Variants in TRAPPC9 observed in about 807,000 individuals in gnomAD.
TRAPPC9 encodes the protein trafficking protein particle complex subunit 9, also known as IKK2 binding protein.
A neutral mutation model predicts 124.0 loss-of-function variants in TRAPPC9; 83 were observed. The ratio of observed to expected loss-of-function variants is 0.67; its 90% CI spans 0.56 to 0.80. The LOEUF (loss-of-function observed/expected upper bound fraction) is 0.80, where lower values mean the gene tolerates loss of function less well. Among genes scored for constraint, TRAPPC9 ranks in the 30% least tolerant of loss-of-function variants. TRAPPC9 has a pLI of 0.00. For missense variants in TRAPPC9, 1,302 were observed against 1,508.3 expected (o/e 0.86, Z 2.27); for synonymous variants, 638 against 617.5 (o/e 1.03, Z -0.49).
intron 19 of TRAPPC9, among the ~76,000 whole-genome samples, chr8:139,969,470 G>A (rs1454485766): frequency 6.6e-6 from 1 of 152,230 alleles, no homozygotes; most frequent in Non-Finnish European, 1.5e-5. Context: ...GGGTCTCATG[G>A]CCTAGGTTCG....
chr8:140,140,317 T>C (rs1484263420), intron 17 of TRAPPC9, among the ~76,000 whole-genome samples: 1 of 152,226 alleles, frequency 6.6e-6, no homozygotes. Flanking sequence ...CTTGTTCAGA[T>C]AGGCTATTCA....
intron 17 of TRAPPC9, among the ~76,000 whole-genome samples, chr8:140,092,902 C>T (rs892175814): frequency 6.6e-6 from 1 of 152,210 alleles, no homozygotes; most frequent in African/African-American, 2.4e-5. Context: ...AGGGCTTACA[C>T]CCTCTAGGCT....
intron 17 of TRAPPC9, among the ~76,000 whole-genome samples, chr8:140,037,574 CACACACACACAT>C (rs1270817816): frequency 6.6e-6 from 1 of 151,356 alleles, no homozygotes; most frequent in Admixed American, 6.6e-5. Context: ...AAACACATAC[CACACACACACAT>C]ACACACACAC....
intron 21 of TRAPPC9, among the ~76,000 whole-genome samples, chr8:139,849,480 T>C (rs1346627873): frequency 2.6e-5 from 4 of 152,274 alleles, no homozygotes; most frequent in African/African-American, 7.2e-5. Flanking sequence ...ATTTTCATTA[T>C]GTACCTTATT....
At chr8:140,116,626 T>C (rs2060891895) in intron 17 of TRAPPC9, among the ~76,000 whole-genome samples, 1 of 152,182 alleles carries the variant, frequency 6.6e-6, no homozygotes, top group Non-Finnish European at 1.5e-5. Context: ...CTAAAATTGA[T>C]TCATGATGCT....
intron 17 of TRAPPC9, chr8:140,094,860 T>A (rs181467965): frequency 2.6e-5 from 4 of 152,364 alleles, no homozygotes; most frequent in Admixed American, 1.3e-4. Context: ...CCTACCCGAC[T>A]GGCTTTGTAT....
intron 17 of TRAPPC9, among the ~76,000 whole-genome samples, chr8:140,068,552 T>C (rs1180332418): frequency 6.6e-6 from 1 of 152,240 alleles, no homozygotes; most frequent in East Asian, 1.9e-4. Flanking sequence ...CCATCATTAA[T>C]ATTGCTCTTC....
At chr8:139,904,388 G>C (rs1217460171) in intron 20 of TRAPPC9, 2 of 152,328 alleles carry the variant, frequency 1.3e-5, no homozygotes, top group Non-Finnish European at 2.9e-5. Context: ...CTGAGGAGCA[G>C]ACAGTGAGGT....
At chr8:140,218,026 A>C (rs1490554753) in intron 17 of TRAPPC9, among the ~76,000 whole-genome samples, 1 of 152,112 alleles carries the variant, frequency 6.6e-6, no homozygotes, top group Admixed American at 6.5e-5. Flanking sequence ...CCAAAAAAAA[A>C]AAAAAGTCAT....
At chr8:140,266,766 A>G (rs2064677402) in intron 15 of TRAPPC9, among the ~76,000 whole-genome samples, 1 of 151,952 alleles carries the variant, frequency 6.6e-6, no homozygotes. Context: ...AGGCTGAGGC[A>G]GGAGAATGGT....
chr8:140,175,660 T>C (rs1023756760), intron 17 of TRAPPC9, among the ~76,000 whole-genome samples: 16 of 152,198 alleles, frequency 1.1e-4, no homozygotes, highest in African/African-American at 3.9e-4. Flanking sequence ...TCTGACGACA[T>C]CCACGGGTTT....
chr8:139,925,827 G>GCACACGCA lies in TRAPPC9; in HGVS notation c.2811-15528_2811-15527insTGCGTGTG, dbSNP rs1554673866. 2.6e-3 allele frequency among the ~76,000 whole-genome samples: 181 copies of GCACACGCA among 68,750 alleles called. 2 individuals are homozygous for GCACACGCA. The highest frequency in any genetic ancestry group is 7.1e-3 in the African/African-American group (173 of 24,506). 45.1% of individuals were successfully genotyped at this position (68,750 alleles called of 152,430 possible). ...AGCACACGCACACGCACACGCACAC[G>GCACACGCA]CACACACACACACACACACGTTTCA... is the stretch of plus-strand genomic sequence containing the variant. On this transcript the variant is annotated intron_variant, in intron 19 of 22. Coordinates refer to ENST00000438773, the MANE Select transcript of TRAPPC9 (RefSeq NM_001160372.4).
intron 21 of TRAPPC9, among the ~76,000 whole-genome samples, chr8:139,877,422 G>T (rs1209762340): frequency 6.6e-6 from 1 of 152,184 alleles, no homozygotes; most frequent in African/African-American, 2.4e-5. Flanking sequence ...CCCACCTGGA[G>T]GATGGGAGCA....
At chr8:140,036,072 T>C (rs1587551943) in intron 17 of TRAPPC9, among the ~76,000 whole-genome samples, 1 of 152,024 alleles carries the variant, frequency 6.6e-6, no homozygotes. Flanking sequence ...GCTACGAGGG[T>C]CCATGTGGCG....
At position 139,939,267 on chromosome 8, in the gene TRAPPC9, C is replaced by T. The variant is rs966868089; in HGVS notation, c.2811-28967G>A. On this transcript the variant is annotated intron_variant, in intron 19 of 22. Transcript: ENST00000438773. Reference sequence around the variant, plus strand: ...AAGAGATAACACCTCTGCTGGACACCGGGGTCTGGAGAGGTCAAGGAGCAT... The same window carrying T: ...AAGAGATAACACCTCTGCTGGACACTGGGGTCTGGAGAGGTCAAGGAGCAT... Among the ~76,000 whole-genome samples the T allele has an allele frequency of 7.9e-5, 12 of 152,294 alleles. No homozygotes were observed. In the South Asian group the frequency reaches 1.4e-3, roughly 18 times the overall value.
intron 9 of TRAPPC9, among the ~76,000 whole-genome samples, chr8:140,334,909 G>C (rs745920500): frequency 3.3e-5 from 5 of 151,830 alleles, no homozygotes; most frequent in African/African-American, 1.2e-4. Context: ...ACAGGAAACA[G>C]GGAAAGTACA....
intron 7 of TRAPPC9, among the ~76,000 whole-genome samples, chr8:140,387,058 A>C (rs1460769807): frequency 1.1e-4 from 16 of 152,170 alleles, no homozygotes; most frequent in Admixed American, 8.5e-4. Flanking sequence ...CAAAAACAAG[A>C]AATGGGGAAA....
intron 9 of TRAPPC9, among the ~76,000 whole-genome samples, chr8:140,352,241 T>C (rs183896312): frequency 6.6e-6 from 1 of 152,338 alleles, no homozygotes; most frequent in Non-Finnish European, 1.5e-5. Context: ...AGCATTCTCA[T>C]ATACTTTAGA....
chr8:139,868,342 C>T (rs1274086952), intron 21 of TRAPPC9, among the ~76,000 whole-genome samples: 1 of 152,022 alleles, frequency 6.6e-6, no homozygotes, highest in Non-Finnish European at 1.5e-5. Flanking sequence ...GGCAACAGAG[C>T]GAGACTCCAT....
Sources: gnomAD v4.1 joint callset for allele counts (sites outside exome capture counted in the v4.1 genomes callset) on GRCh38, gnomAD v4.1.1 for gene constraint, MANE v1.5 for transcripts, NCBI Gene and HGNC (gene_info 2026-07-23, HGNC 2026-07-21) for gene names.